Variants in NECAB3 observed in about 807,000 individuals in gnomAD.
NECAB3 encodes N-terminal EF-hand calcium-binding protein 3.
In NECAB3, 38 loss-of-function variants were observed where a neutral mutation model predicts 57.2. The ratio of observed to expected loss-of-function variants is 0.66; its 90% CI spans 0.51 to 0.87. The LOEUF is 0.87. Ranked by LOEUF, NECAB3 falls within the 40% of genes least tolerant of loss-of-function variation. The pLI, the probability that NECAB3 is intolerant of heterozygous loss-of-function variation, is 0.00. For missense variants in NECAB3, 474 were observed against 527.5 expected (o/e 0.90, Z 0.99); for synonymous variants, 223 against 222.6 (o/e 1.00, Z -0.02).
chr20:33,658,868 G>T, intron 8 of NECAB3, 34 bp from the exon 9 acceptor site: 1 of 1,539,258 alleles, frequency 6.5e-7, no homozygotes, highest in Non-Finnish European at 9.0e-7. Flanking sequence ...GCTGGTGCGG[G>T]GCCGGGCACA....
chr20:33,673,718 G>T (rs1416389932), intron 1 of NECAB3, among the ~76,000 whole-genome samples: 2 of 152,172 alleles, frequency 1.3e-5, no homozygotes, highest in Non-Finnish European at 2.9e-5. Flanking sequence ...GGTGGAGAAA[G>T]GGCTCAGGGC....
At chr20:33,672,931 GTC>G (rs1156699127) in intron 1 of NECAB3, among the ~76,000 whole-genome samples, 1 of 152,188 alleles carries the variant, frequency 6.6e-6, no homozygotes, top group Non-Finnish European at 1.5e-5. Context: ...TGGCTACTCT[GTC>G]TCTGCAGGCG....
chr20:33,670,835 T>G, intron 2 of NECAB3, 43 bp from the exon 3 acceptor site: 1 of 1,444,710 alleles, frequency 6.9e-7, no homozygotes. Context: ...GAGGTATCCC[T>G]GACCCTGACT....
Position 33,674,358 on chromosome 20 carries a change from C to G in NECAB3, c.-6G>C. 22 of 1,183,662 alleles carry G rather than the reference C, an allele frequency of 1.9e-5. No individual in the cohort carries two copies. The highest frequency in any genetic ancestry group is 2.3e-5 in the Non-Finnish European group (22 of 957,068). The allele number at this position is 1,183,662 out of a possible 1,614,324, so 73.3% of individuals were successfully genotyped here. A position where few individuals can be genotyped will look rare whatever the true frequency, so the allele number is the denominator to read the frequency against. On this transcript the variant is annotated 5_prime_UTR_variant, in exon 1 of 12. Coordinates refer to ENST00000246190, the MANE Select transcript of NECAB3 (RefSeq NM_031232.4). ...AGCAGCCCCGCGCACGCCATGGCGC[C>G]GCCACCCGCTCGGGCTCGGCTGCGG...
chr20:33,666,962 G>C (rs747395267), intron 5 of NECAB3: 3 of 153,396 alleles, frequency 2.0e-5, no homozygotes, highest in Non-Finnish European at 4.4e-5. Flanking sequence ...AGGCTCCGGA[G>C]GCAGAGCCAA....
chr20:33,663,359 C>T, intron 5 of NECAB3: 2 of 653,140 alleles, frequency 3.1e-6, no homozygotes, highest in Non-Finnish European at 4.9e-6. Context: ...GGCTTCCCCG[C>T]GGCCTGAATT....
rs1203548082 is a variant in NECAB3 at position 33,659,743 on chromosome 20, G to C, written c.644-11C>G. 6.3e-7 allele frequency: 1 copy of C among 1,579,288 alleles called. No individual in the cohort carries two copies. Among genetic ancestry groups the C allele is most frequent in the East Asian group, 2.3e-5 (1 of 43,150 alleles). Reference sequence around the variant, plus strand: ...CCTCTGAGCTGCGCCCTGTGTGTGGGGCCCGTGCAGGGTCAGGCAGGGGCC... The same window carrying C: ...CCTCTGAGCTGCGCCCTGTGTGTGGCGCCCGTGCAGGGTCAGGCAGGGGCC... On this transcript the variant is annotated splice_polypyrimidine_tract_variant and intron_variant, in intron 7 of 11. Coordinates refer to ENST00000246190, the MANE Select transcript of NECAB3 (RefSeq NM_031232.4).
chr20:33,657,858 C>A lies in NECAB3; in HGVS notation c.1163-1G>T. On this transcript the variant is annotated splice_acceptor_variant, in intron 11 of 11. Coordinates refer to ENST00000246190, the MANE Select transcript of NECAB3 (RefSeq NM_031232.4). LOFTEE classifies it high-confidence loss of function. ...TTGTTATTCATTATCCACCAGGAGG[C>A]TGGGGGTCAGAGGCAGGGGGTCAGG... The A allele has an allele frequency of 6.5e-7, 1 of 1,543,400 alleles. No homozygotes were observed. Among genetic ancestry groups the A allele is most frequent in the South Asian group, 1.2e-5 (1 of 83,112 alleles).
At chr20:33,673,029 G>A (rs2017863167) in intron 1 of NECAB3, among the ~76,000 whole-genome samples, 1 of 152,200 alleles carries the variant, frequency 6.6e-6, no homozygotes. Flanking sequence ...TGACTCTGAG[G>A]ACCTTCGGCA....
chr20:33,668,395 G>A, intron 5 of NECAB3: 1 of 1,022,442 alleles, frequency 9.8e-7, no homozygotes, highest in Non-Finnish European at 1.3e-6. Flanking sequence ...TGGGACCCAT[G>A]GGACCCTCAT....
At chr20:33,672,293 T>A in intron 2 of NECAB3, 105 bp downstream of exon 2, 2 of 1,374,886 alleles carry the variant, frequency 1.5e-6, no homozygotes, top group Non-Finnish European at 2.1e-6. Flanking sequence ...GCCCCCAAGA[T>A]TTGTCTCAAC....
chr20:33,660,414 C>A lies in NECAB3; in HGVS notation c.388-19G>T. ...CGTACTCCTGTGGGCCAAGGAGGGA[C>A]GGTCAGCATCTCCCAGCCCGGGCAC... On this transcript the variant is annotated intron_variant, in intron 5 of 11. Coordinates refer to ENST00000246190, the MANE Select transcript of NECAB3 (RefSeq NM_031232.4). The surrounding 1 kb of genome is among the most constrained non-coding windows in gnomAD (Gnocchi z 4.1). 6.2e-7 allele frequency: 1 copy of A among 1,610,034 alleles called. No homozygotes were observed. Among genetic ancestry groups the A allele is most frequent in the Non-Finnish European group, 8.5e-7 (1 of 1,177,340 alleles).
Position 33,670,799 on chromosome 20 carries a change from T to G in NECAB3, c.155-7A>C, listed in dbSNP as rs771052047. ...AATGAGAGCTTCCCATCATCTGGGGTGGCAGGGGGAGGACAGGGAGCAGAG... is the reference window on the plus strand; with the variant it reads ...AATGAGAGCTTCCCATCATCTGGGGGGGCAGGGGGAGGACAGGGAGCAGAG... On this transcript the variant is annotated splice_region_variant and splice_polypyrimidine_tract_variant and intron_variant, in intron 2 of 11. Transcript: ENST00000246190. The G allele has an allele frequency of 1.2e-6, 2 of 1,608,494 alleles. No individual in the cohort carries two copies. The highest frequency in any genetic ancestry group is 2.7e-5 in the African/African-American group (2 of 74,510).
chr20:33,667,686 G>A (rs1204944913), intron 5 of NECAB3: 2 of 1,611,770 alleles, frequency 1.2e-6, no homozygotes, highest in Non-Finnish European at 8.5e-7. Flanking sequence ...TGGTGGCGGC[G>A]AACCCTGACC....
intron 5 of NECAB3, chr20:33,662,320 C>T (rs1279337394): frequency 3.2e-6 from 5 of 1,549,788 alleles, no homozygotes; most frequent in African/African-American, 2.7e-5. Context: ...TGTGGGCCAT[C>T]GTCCCCAGTG....
At chr20:33,658,985 T>A in intron 8 of NECAB3, 151 bp from the exon 9 acceptor site, 1 of 624,918 alleles carries the variant, frequency 1.6e-6, no homozygotes, top group Non-Finnish European at 2.9e-6. Flanking sequence ...CAGTGGTGTG[T>A]GGGATCACGG....
intron 5 of NECAB3, chr20:33,668,256 G>T: frequency 6.4e-7 from 1 of 1,556,648 alleles, no homozygotes; most frequent in Non-Finnish European, 8.7e-7. Flanking sequence ...ACTGGGGGGG[G>T]TGGCACTGCG....
intron 8 of NECAB3, among the ~76,000 whole-genome samples, chr20:33,659,258 C>T (rs1438960815): frequency 6.6e-6 from 1 of 152,250 alleles, no homozygotes; most frequent in Non-Finnish European, 1.5e-5. Context: ...TCCTTCCACC[C>T]TCCAGCTTCC....
At position 33,660,156 on chromosome 20, in the gene NECAB3, C is replaced by T; in HGVS notation, c.524+103G>A. ...GGCTACCCTGCCATGGCTTCCCCGC[C>T]CGAAAATGCAGGCTCCAGGATGCTG... On this transcript the variant is annotated intron_variant, in intron 6 of 11. Coordinates refer to ENST00000246190, the MANE Select transcript of NECAB3 (RefSeq NM_031232.4). This position sits in a 1 kb window ranked among gnomAD's most constrained non-coding sequence, Gnocchi z 4.1. 6.5e-7 allele frequency: 1 copy of T among 1,537,334 alleles called. No homozygotes were observed. Among genetic ancestry groups the T allele is most frequent in the Non-Finnish European group, 8.8e-7 (1 of 1,142,272 alleles).
Sources: allele counts gnomAD v4.1 joint callset (sites outside exome capture counted in the v4.1 genomes callset), GRCh38; gene constraint gnomAD v4.1.1; non-coding constraint Gnocchi (gnomAD v3.1); transcripts MANE v1.5; gene names NCBI Gene and HGNC (gene_info 2026-07-23, HGNC 2026-07-21).